Variants in KIFC3 observed in about 807,000 individuals in gnomAD.
The protein encoded by KIFC3 is kinesin-like protein KIFC3.
Under a neutral mutation model 101.8 loss-of-function variants are expected in KIFC3, and 60 were observed. The ratio of observed to expected loss-of-function variants is 0.59; its 90% confidence interval spans 0.48 to 0.73. The LOEUF is 0.73. Among genes scored for constraint, KIFC3 ranks in the 30% least tolerant of loss-of-function variants. The pLI is 0.00. For missense variants in KIFC3, 966 were observed against 1,137.1 expected, an observed-to-expected ratio of 0.85 and a Z score of 2.16; for synonymous variants, 476 against 482.7, an observed-to-expected ratio of 0.99 and a Z score of 0.18.
intron 7 of KIFC3, 56 bp from the exon 8 acceptor site, chr16:57,770,011 G>A (rs1449362305): frequency 1.1e-5 from 18 of 1,565,850 alleles, no homozygotes; most frequent in Non-Finnish European, 8.6e-7. Flanking sequence ...AGAGGGGCAG[G>A]TGCCACACCG....
chr16:57,862,386 G>A (rs1959349058), intron 1 of KIFC3, among the ~76,000 whole-genome samples: 1 of 151,876 alleles, frequency 6.6e-6, no homozygotes, highest in Non-Finnish European at 1.5e-5. Context: ...TTTATTTCTG[G>A]AATTTTCCAT....
chr16:57,817,461 C>A (rs2055254107), intron 1 of KIFC3, among the ~76,000 whole-genome samples: 1 of 152,162 alleles, frequency 6.6e-6, no homozygotes, highest in African/African-American at 2.4e-5. Flanking sequence ...TCAGTGGGGC[C>A]ACACTCCTCC....
intron 1 of KIFC3, among the ~76,000 whole-genome samples, chr16:57,841,182 T>G (rs1268438648): frequency 7.9e-5 from 12 of 152,100 alleles, no homozygotes; most frequent in African/African-American, 2.9e-4. Flanking sequence ...AAAAAAATAA[T>G]TCAAAGGAGG....
chr16:57,788,706 A>G (rs373284164), intron 3 of KIFC3: 1 of 1,289,578 alleles, frequency 7.8e-7, no homozygotes, highest in Non-Finnish European at 1.0e-6. Context: ...CTTGTCCTGC[A>G]GGGCCTGCTG....
intron 1 of KIFC3, among the ~76,000 whole-genome samples, chr16:57,832,030 G>GTT (rs11418363): frequency 4.6e-5 from 7 of 151,658 alleles, no homozygotes; most frequent in African/African-American, 1.7e-4. Flanking sequence ...TTTTGTTTTT[G>GTT]TTTTTTTTAA....
At chr16:57,759,666 G>A in intron 18 of KIFC3, 62 bp downstream of exon 18, 1 of 1,278,846 alleles carries the variant, frequency 7.8e-7, no homozygotes, top group East Asian at 2.4e-5. Context: ...ATCCAGGTAA[G>A]GGCAGCCTGG....
intron 1 of KIFC3, among the ~76,000 whole-genome samples, chr16:57,823,971 A>G (rs1555630335): frequency 1.3e-5 from 2 of 152,196 alleles, no homozygotes; most frequent in African/African-American, 4.8e-5. Flanking sequence ...TTGCGAGAAT[A>G]AAGTCTGCAA....
intron 19 of KIFC3, 58 bp downstream of exon 19, chr16:57,759,067 C>T: frequency 1.3e-6 from 2 of 1,546,012 alleles, no homozygotes; most frequent in Non-Finnish European, 1.7e-6. Context: ...CAGCGCAGCC[C>T]TGCAACCCAC....
At chr16:57,861,810 G>C (rs369699782) in intron 1 of KIFC3, among the ~76,000 whole-genome samples, 1 of 152,118 alleles carries the variant, frequency 6.6e-6, no homozygotes, top group Non-Finnish European at 1.5e-5. Context: ...TTAGCCGGGC[G>C]TGATGGTGTG....
At chr16:57,776,272 C>A (rs77387607) in intron 3 of KIFC3, 3 of 985,336 alleles carry the variant, frequency 3.0e-6, no homozygotes, top group Non-Finnish European at 2.4e-6. Context: ...GCCAGCGGGG[C>A]GGCCCTGGGA....
chr16:57,784,297 G>A (rs1242660544), intron 3 of KIFC3, among the ~76,000 whole-genome samples: 1 of 152,188 alleles, frequency 6.6e-6, no homozygotes, highest in African/African-American at 2.4e-5. Flanking sequence ...GGGGAAGGCA[G>A]GCCCAGATAG....
chr16:57,847,760 TTGTGTGTGTGTGTGTGTGTG>T (rs35081728), intron 1 of KIFC3, among the ~76,000 whole-genome samples: 2 of 139,708 alleles, frequency 1.4e-5, no homozygotes, highest in South Asian at 2.5e-4. Context: ...CCAGATGAAT[TTGTGTGTGTGTGTGTGTGTG>T]TGTGTGTGTG....
intron 3 of KIFC3, among the ~76,000 whole-genome samples, chr16:57,781,500 T>C (rs2052733978): frequency 6.6e-6 from 1 of 152,202 alleles, no homozygotes; most frequent in South Asian, 2.1e-4. Context: ...CAGCCTCCTG[T>C]GGTCACCAGA....
intron 1 of KIFC3, among the ~76,000 whole-genome samples, chr16:57,825,148 T>C (rs2055432708): frequency 6.6e-6 from 1 of 152,226 alleles, no homozygotes; most frequent in African/African-American, 2.4e-5. Flanking sequence ...CCCAGGCTGC[T>C]CTGCAACACA....
At chr16:57,825,179 GC>G (rs1568089778) in intron 1 of KIFC3, among the ~76,000 whole-genome samples, 1 of 152,230 alleles carries the variant, frequency 6.6e-6, no homozygotes, top group African/African-American at 2.4e-5. Context: ...TGAGGGACTT[GC>G]CTCCTGTTAC....
chr16:57,796,172 C>T (rs1267225920), intron 2 of KIFC3, among the ~76,000 whole-genome samples: 6 of 152,152 alleles, frequency 3.9e-5, no homozygotes, highest in African/African-American at 1.2e-4. Flanking sequence ...GGATTACAGG[C>T]GTGAGCCACA....
chr16:57,815,714 C>A, intron 1 of KIFC3: 1 of 1,209,680 alleles, frequency 8.3e-7, no homozygotes, highest in Non-Finnish European at 1.1e-6. Flanking sequence ...AAATATCTGT[C>A]TACTCCCTCA....
Position 57,758,329 on chromosome 16 carries a change from T to G in KIFC3, c.*605A>C. The G allele has an allele frequency of 4.1e-6, 1 of 246,176 alleles. No individual in the cohort carries two copies. Among genetic ancestry groups the G allele is most frequent in the Non-Finnish European group, 8.1e-6 (1 of 123,064 alleles). The allele number at this position is 246,176 out of a possible 1,614,324, so 15.2% of individuals were successfully genotyped here. A position where few individuals can be genotyped will look rare whatever the true frequency, so the allele number is the denominator to read the frequency against. On this transcript the variant is annotated 3_prime_UTR_variant, in exon 20 of 20. Coordinates refer to ENST00000445690, the MANE Select transcript of KIFC3 (RefSeq NM_001130100.2). Reference sequence around the variant, plus strand: ...TCGAGAGACCAGCGAGCCAGGCAGGTGAGCGAGCAGCAGAATCCCCCACCC... The same window carrying G: ...TCGAGAGACCAGCGAGCCAGGCAGGGGAGCGAGCAGCAGAATCCCCCACCC...
intron 1 of KIFC3, among the ~76,000 whole-genome samples, chr16:57,836,193 A>G (rs2055682458): frequency 6.6e-6 from 1 of 152,208 alleles, no homozygotes; most frequent in South Asian, 2.1e-4. Flanking sequence ...GGCTCACTGC[A>G]GCCTTGACCT....
Sources: allele counts gnomAD v4.1 joint callset (sites outside exome capture counted in the v4.1 genomes callset), GRCh38; gene constraint gnomAD v4.1.1; transcripts MANE v1.5; gene names NCBI Gene and HGNC (gene_info 2026-07-23, HGNC 2026-07-21).